PCDHA8: variants seen among roughly 807,000 people sequenced by gnomAD.
The protein encoded by PCDHA8 is protocadherin alpha 8, also known as protocadherin alpha-8.
Under a neutral mutation model 61.8 loss-of-function variants are expected in PCDHA8, and 53 were observed. The ratio of observed to expected loss-of-function variants is 0.86; its 90% CI spans 0.69 to 1.08. PCDHA8 has a LOEUF of 1.08. Among genes scored for constraint, PCDHA8 ranks in the 50% least tolerant of loss-of-function variants. The probability of loss-of-function intolerance (pLI) is 0.00; values close to 1 mark genes in which losing one functional copy is unlikely to be tolerated. For synonymous variants in PCDHA8, 618 were observed against 556.6 expected (o/e 1.11, Z -1.55); for missense variants, 1,293 against 1,245.0 (o/e 1.04, Z -0.58).
intron 1 of PCDHA8, chr5:140,877,895 G>T (rs1554170219): frequency 1.4e-6 from 2 of 1,447,634 alleles, no homozygotes; most frequent in South Asian, 3.1e-5. Context: ...TTCCGTTTAG[G>T]TTATAACTAC....
chr5:140,858,158 G>A lies in PCDHA8; in HGVS notation c.2394+14443G>A, dbSNP rs781899082. On this transcript the variant is annotated intron_variant, in intron 1 of 3. Transcript: ENST00000531613. ...CGTGTACCTGATCATCGCCATCTGC[G>A]CGGTGTCCAGCTTGCTGGTGCTCAC... The A allele has an allele frequency of 6.3e-6, 10 of 1,597,616 alleles. 1 individual carries two copies. Among genetic ancestry groups the A allele is most frequent in the Admixed American group, 5.1e-5 (3 of 59,322 alleles).
At chr5:140,914,501 C>T (rs1231907689) in intron 1 of PCDHA8, among the ~76,000 whole-genome samples, 1 of 152,084 alleles carries the variant, frequency 6.6e-6, no homozygotes, top group African/African-American at 2.4e-5. Context: ...GGCAACAGAT[C>T]ATTGGGTCAT....
intron 1 of PCDHA8, chr5:140,883,651 G>A (rs782597421): frequency 1.9e-6 from 3 of 1,613,652 alleles, no homozygotes; most frequent in Middle Eastern, 1.7e-4. Flanking sequence ...CCGAGTACAC[G>A]GTGTTCGTGA....
chr5:140,888,322 C>T (rs983342995), intron 1 of PCDHA8, among the ~76,000 whole-genome samples: 23 of 152,148 alleles, frequency 1.5e-4, no homozygotes, highest in African/African-American at 5.6e-4. Context: ...TGCCTGGATA[C>T]ATTTTTGGTT....
At chr5:140,947,969 C>T (rs1159851699) in intron 1 of PCDHA8, among the ~76,000 whole-genome samples, 1 of 151,182 alleles carries the variant, frequency 6.6e-6, no homozygotes, top group African/African-American at 2.4e-5. Context: ...TAAGTATGTG[C>T]TACTCATAGG....
intron 1 of PCDHA8, chr5:140,848,435 A>G: frequency 6.8e-7 from 1 of 1,473,142 alleles, no homozygotes; most frequent in Non-Finnish European, 9.3e-7. Flanking sequence ...TGACGAAATC[A>G]GATGATTTCT....
intron 1 of PCDHA8, chr5:140,857,093 G>T (rs1554149523): frequency 6.3e-7 from 1 of 1,597,336 alleles, no homozygotes; most frequent in Admixed American, 1.7e-5. Flanking sequence ...TTCACCTGAG[G>T]TGATTGTCAC....
At chr5:140,880,514 TC>T (rs1459255635) in intron 1 of PCDHA8, among the ~76,000 whole-genome samples, 1 of 152,198 alleles carries the variant, frequency 6.6e-6, no homozygotes, top group Non-Finnish European at 1.5e-5. Context: ...TTTGGTCACA[TC>T]TCTCAATGTG....
At chr5:140,983,392 C>T (rs1190599444) in intron 3 of PCDHA8, among the ~76,000 whole-genome samples, 2 of 152,150 alleles carry the variant, frequency 1.3e-5, no homozygotes, top group African/African-American at 2.4e-5. Context: ...TGGCAGTTTT[C>T]AGAAAGGGAA....
chr5:140,921,098 A>G (rs1007745080), intron 1 of PCDHA8, among the ~76,000 whole-genome samples: 2 of 151,708 alleles, frequency 1.3e-5, no homozygotes, highest in South Asian at 2.1e-4. Context: ...CTCCTGCCTC[A>G]GTCTCCTAAG....
intron 1 of PCDHA8, chr5:140,863,447 G>A: frequency 1.7e-6 from 1 of 575,684 alleles, no homozygotes; most frequent in Non-Finnish European, 3.3e-6. Flanking sequence ...CTTACTCGCA[G>A]CAAAGGAGAT....
Position 140,843,293 on chromosome 5 carries a change from G to T in PCDHA8, c.1972G>T (p.Ala658Ser). The stretch of plus-strand genomic sequence containing the variant: ...CCTGGTGAAGGATCATGGTGAACCT[G>T]CGCTGACCGCCACGGCCACGGTTCT... ...LVLVKDHGEP[A>S]LTATATVLVS... The change falls in exon 1 of 4, where the codon GCG becomes TCG. Residue 658 changes from alanine (A) to serine (S), a missense_variant. Physicochemically the swap from Ala to Ser is moderately conservative, Grantham distance 99. Coordinates refer to ENST00000531613, the MANE Select transcript of PCDHA8 (RefSeq NM_018911.3). 6.3e-7 allele frequency: 1 copy of T among 1,595,972 alleles called. No individual in the cohort carries two copies. The highest frequency in any genetic ancestry group is 2.2e-5 in the East Asian group (1 of 44,810).
chr5:140,864,153 T>C (rs1209982386), intron 1 of PCDHA8: 8 of 152,216 alleles, frequency 5.3e-5, no homozygotes, highest in African/African-American at 1.9e-4. Context: ...AATGAGAAAG[T>C]TAAATCTTAC....
Position 141,009,608 on chromosome 5 carries a change from G to T in PCDHA8, c.2543-19G>T, listed in dbSNP as rs1350951999. On this transcript the variant is annotated intron_variant, in intron 3 of 3. Coordinates refer to ENST00000531613, the MANE Select transcript of PCDHA8 (RefSeq NM_018911.3). Reference sequence around the variant, plus strand: ...CATGTGTTGACCCTGTTAATGATTTGTAATGTTTTGTCTTTCAGAACCAGA... The same window carrying T: ...CATGTGTTGACCCTGTTAATGATTTTTAATGTTTTGTCTTTCAGAACCAGA... 1 of 1,610,774 alleles carries T rather than the reference G, an allele frequency of 6.2e-7. No individual in the cohort carries two copies. The highest frequency in any genetic ancestry group is 2.2e-5 in the East Asian group (1 of 44,832).
chr5:140,899,491 A>T (rs1333944586), intron 1 of PCDHA8, among the ~76,000 whole-genome samples: 1 of 152,196 alleles, frequency 6.6e-6, no homozygotes, highest in East Asian at 1.9e-4. Flanking sequence ...GCTGGATTAC[A>T]TTTATTGATT....
rs191774551 is a variant in PCDHA8, at chr5:140,984,794, A to C, written c.2542+2231A>C. Among the ~76,000 whole-genome samples, 4 of 152,294 alleles carry C rather than the reference A, an allele frequency of 2.6e-5. No homozygotes were observed. In the East Asian group the frequency reaches 7.7e-4, roughly 29 times the overall value. ...CTTACTTGCTGGGTGAGCATAGACA[A>C]ACTGCCTGAATTCATATTTTCTTAA... On this transcript the variant is annotated intron_variant, in intron 3 of 3. Transcript: ENST00000531613.
intron 1 of PCDHA8, chr5:140,866,792 A>T (rs2049578190): frequency 6.6e-6 from 1 of 152,208 alleles, no homozygotes; most frequent in Non-Finnish European, 1.5e-5. Flanking sequence ...CTGATATAGT[A>T]AAAGTCAGGC....
chr5:140,869,456 AT>A (rs1175063244), intron 1 of PCDHA8: 1 of 1,614,072 alleles, frequency 6.2e-7, no homozygotes, highest in East Asian at 2.2e-5. Flanking sequence ...CAGGTTTTCC[AT>A]GTGAACGTGG....
intron 1 of PCDHA8, among the ~76,000 whole-genome samples, chr5:140,973,301 A>C (rs1469183006): frequency 1.3e-5 from 2 of 152,034 alleles, no homozygotes; most frequent in Admixed American, 6.6e-5. Context: ...CTATCTGATG[A>C]CTCTATCCTG....
Sources: gnomAD v4.1 joint callset for allele counts (sites outside exome capture counted in the v4.1 genomes callset) on GRCh38, gnomAD v4.1.1 for gene constraint, MANE v1.5 for transcripts, NCBI Gene and HGNC (gene_info 2026-07-23, HGNC 2026-07-21) for gene names.